DYNC1I1: variants seen among roughly 807,000 people sequenced by gnomAD.
DYNC1I1 encodes dynein cytoplasmic 1 intermediate chain 1, also known as cytoplasmic dynein 1 intermediate chain 1.
In DYNC1I1, 43 loss-of-function variants were observed where a neutral mutation model predicts 86.6. The observed-to-expected ratio is 0.50, with a 90% confidence interval of 0.39 to 0.64. The LOEUF is 0.64. Ranked by LOEUF, DYNC1I1 falls within the 30% of genes least tolerant of loss-of-function variation. DYNC1I1 has a pLI of 0.00. For synonymous variants in DYNC1I1, 262 were observed against 283.7 expected (o/e 0.92, Z 0.77); for missense variants, 604 against 788.8 (o/e 0.77, Z 2.81).
intron 6 of DYNC1I1, among the ~76,000 whole-genome samples, chr7:95,881,754 T>C (rs1286162327): frequency 2.0e-5 from 3 of 152,254 alleles, no homozygotes; most frequent in Non-Finnish European, 4.4e-5. Flanking sequence ...CTCTGCCTGA[T>C]TATTCTCTAG....
chr7:95,920,798 C>G (rs1199874487), intron 6 of DYNC1I1, among the ~76,000 whole-genome samples: 2 of 152,142 alleles, frequency 1.3e-5, no homozygotes, highest in Admixed American at 1.3e-4. Flanking sequence ...GTCATAGGTG[C>G]CATTTGCAGC....
chr7:95,853,293 T>C (rs1789628741), intron 5 of DYNC1I1, among the ~76,000 whole-genome samples: 2 of 152,178 alleles, frequency 1.3e-5, no homozygotes, highest in Non-Finnish European at 2.9e-5. Flanking sequence ...GTCATTATCA[T>C]GGGAATGGGT....
intron 6 of DYNC1I1, among the ~76,000 whole-genome samples, chr7:95,935,623 T>G (rs987775645): frequency 6.6e-6 from 1 of 152,036 alleles, no homozygotes; most frequent in Non-Finnish European, 1.5e-5. Flanking sequence ...TTAAAAAGCT[T>G]ATGCACAGCA....
intron 5 of DYNC1I1, among the ~76,000 whole-genome samples, chr7:95,859,403 A>G (rs907662519): frequency 6.6e-6 from 1 of 152,178 alleles, no homozygotes; most frequent in Non-Finnish European, 1.5e-5. Context: ...AAGGTCATGC[A>G]TCAGTGTCTG....
intron 10 of DYNC1I1, among the ~76,000 whole-genome samples, chr7:95,998,265 G>A (rs1357015791): frequency 3.9e-5 from 6 of 152,170 alleles, no homozygotes; most frequent in African/African-American, 4.8e-5. Context: ...CGCATACATC[G>A]TGCCATCACC....
At chr7:95,869,792 T>G in intron 5 of DYNC1I1, 91 bp from the exon 6 acceptor site, 3 of 1,212,730 alleles carry the variant, frequency 2.5e-6, no homozygotes, top group Non-Finnish European at 3.6e-6. Flanking sequence ...GTATTTGTGG[T>G]TTGTTTGTTT....
intron 6 of DYNC1I1, among the ~76,000 whole-genome samples, chr7:95,884,677 T>A (rs943750149): frequency 2.0e-5 from 3 of 151,680 alleles, no homozygotes; most frequent in Non-Finnish European, 2.9e-5. Context: ...CTCACACCTG[T>A]AATCCTAGCT....
intron 10 of DYNC1I1, among the ~76,000 whole-genome samples, chr7:95,996,712 T>C (rs1408825892): frequency 1.3e-5 from 2 of 152,220 alleles, no homozygotes; most frequent in African/African-American, 4.8e-5. Context: ...TTGTACACGT[T>C]CAGCATTGCT....
At chr7:96,009,419 T>TG (rs1407011301) in intron 10 of DYNC1I1, among the ~76,000 whole-genome samples, 1 of 152,176 alleles carries the variant, frequency 6.6e-6, no homozygotes, top group African/African-American at 2.4e-5. Flanking sequence ...GTGCCATTGT[T>TG]GCTGATGATG....
chr7:95,959,872 A>T (rs1220900293), intron 6 of DYNC1I1, among the ~76,000 whole-genome samples: 2 of 152,194 alleles, frequency 1.3e-5, no homozygotes, highest in African/African-American at 4.8e-5. Flanking sequence ...AGTTAGCAGC[A>T]TCCCCGAGCC....
intron 10 of DYNC1I1, among the ~76,000 whole-genome samples, chr7:96,026,618 C>T (rs1415858119): frequency 1.3e-5 from 2 of 152,132 alleles, no homozygotes; most frequent in African/African-American, 4.8e-5. Flanking sequence ...CTGATTCTTC[C>T]ATGCAATCCC....
chr7:95,830,921 A>G (rs552854709), intron 5 of DYNC1I1, among the ~76,000 whole-genome samples: 73 of 152,256 alleles, frequency 4.8e-4, no homozygotes, highest in Middle Eastern at 3.4e-3. Context: ...TTAAAGAAGT[A>G]TAGTGGTATT....
At chr7:96,055,603 C>A (rs1231754943) in intron 14 of DYNC1I1, among the ~76,000 whole-genome samples, 1 of 151,652 alleles carries the variant, frequency 6.6e-6, no homozygotes, top group Non-Finnish European at 1.5e-5. Context: ...TACTAGCAAA[C>A]TAACATATTT....
intron 10 of DYNC1I1, among the ~76,000 whole-genome samples, chr7:96,002,121 G>A: frequency 6.6e-6 from 1 of 152,106 alleles, no homozygotes; most frequent in Non-Finnish European, 1.5e-5. Context: ...CCTCACAGCA[G>A]TGATAGGCTG....
intron 5 of DYNC1I1, among the ~76,000 whole-genome samples, chr7:95,867,496 C>T (rs975357124): frequency 6.6e-6 from 1 of 152,176 alleles, no homozygotes; most frequent in Non-Finnish European, 1.5e-5. Context: ...TGCATGACAT[C>T]ACCATTGTGC....
intron 6 of DYNC1I1, among the ~76,000 whole-genome samples, chr7:95,874,510 G>T (rs1790253533): frequency 1.3e-5 from 2 of 152,232 alleles, no homozygotes; most frequent in African/African-American, 4.8e-5. Context: ...ACTGGATTGT[G>T]TATCCCCACA....
At chr7:95,877,139 G>A (rs1278053911) in intron 6 of DYNC1I1, among the ~76,000 whole-genome samples, 1 of 152,082 alleles carries the variant, frequency 6.6e-6, no homozygotes, top group Non-Finnish European at 1.5e-5. Flanking sequence ...GAGAGCTATT[G>A]TATCTTCCTG....
chr7:95,786,066 A>AT (rs913709882), intron 1 of DYNC1I1, among the ~76,000 whole-genome samples: 28 of 152,046 alleles, frequency 1.8e-4, no homozygotes, highest in African/African-American at 6.3e-4. Flanking sequence ...AATTCTTGAT[A>AT]TTTTTTCAAG....
chr7:96,056,600 A>T (rs1789583981), intron 14 of DYNC1I1, among the ~76,000 whole-genome samples: 1 of 152,142 alleles, frequency 6.6e-6, no homozygotes, highest in Non-Finnish European at 1.5e-5. Context: ...CCATTTCCTT[A>T]TACTACAACA....
Sources: allele counts gnomAD v4.1 joint callset (sites outside exome capture counted in the v4.1 genomes callset), GRCh38; gene constraint gnomAD v4.1.1; transcripts MANE v1.5; gene names NCBI Gene and HGNC (gene_info 2026-07-23, HGNC 2026-07-21).